Variants in DGAT2L6 observed in about 807,000 individuals in gnomAD.
DGAT2L6 encodes the protein diacylglycerol O-acyltransferase 2 like 6.
A neutral mutation model predicts 25.5 loss-of-function variants in DGAT2L6; 22 were observed. The observed-to-expected ratio is 0.86, with a 90% CI of 0.62 to 1.23. DGAT2L6 has a LOEUF of 1.23. Ranked by LOEUF, DGAT2L6 falls within the 50% of genes most tolerant of loss-of-function variation. DGAT2L6 has a pLI of 0.00. For synonymous variants in DGAT2L6, 100 were observed against 94.7 expected (o/e 1.06, Z -0.32); for missense variants, 287 against 253.2 (o/e 1.13, Z -0.91).
intron 1 of DGAT2L6, among the ~76,000 whole-genome samples, chrX:70,183,428 T>C (rs1293346182): frequency 8.9e-6 from 1 of 112,335 alleles, no homozygotes; most frequent in East Asian, 2.8e-4. Flanking sequence ...TCATATCTTC[T>C]CTGTAACATT....
At chrX:70,192,859 A>G (rs1244405100) in intron 1 of DGAT2L6, among the ~76,000 whole-genome samples, 1 of 111,888 alleles carries the variant, frequency 8.9e-6, no homozygotes, top group East Asian at 2.8e-4. Flanking sequence ...AAAAGAGAAG[A>G]CATTACACCT....
chrX:70,194,971 A>T (rs1312406737), intron 1 of DGAT2L6, among the ~76,000 whole-genome samples: 2 of 112,163 alleles, frequency 1.8e-5, no homozygotes, highest in East Asian at 5.6e-4. Context: ...AATGGAAGAA[A>T]ATATTTGCAA....
intron 1 of DGAT2L6, among the ~76,000 whole-genome samples, chrX:70,189,471 A>G (rs1165448884): frequency 3.6e-5 from 4 of 112,441 alleles, no homozygotes; most frequent in Non-Finnish European, 7.5e-5. Flanking sequence ...GATGAATAAA[A>G]TAAAAGATCT....
chrX:70,201,125 C>G (rs2147610411), intron 4 of DGAT2L6, among the ~76,000 whole-genome samples: 1 of 111,762 alleles, frequency 8.9e-6, no homozygotes, highest in Middle Eastern at 4.7e-3. Context: ...AGCCAAACAT[C>G]CAAAGGTAAG....
chrX:70,187,205 G>T (rs890439602), intron 1 of DGAT2L6, among the ~76,000 whole-genome samples: 1 of 109,543 alleles, frequency 9.1e-6, no homozygotes, highest in Non-Finnish European at 1.9e-5. Flanking sequence ...TTGTTTGTTT[G>T]GAAAGGGAAA....
At chrX:70,204,923 T>A (rs2085423527) in intron 6 of DGAT2L6, 29 bp from the exon 7 acceptor site, 1 of 1,156,421 alleles carries the variant, frequency 8.6e-7, no homozygotes, top group Admixed American at 2.7e-5. Flanking sequence ...GGGGGAACTC[T>A]GATGTTTGTC....
At chrX:70,203,200 C>T (rs2085416924) in intron 5 of DGAT2L6, among the ~76,000 whole-genome samples, 1 of 112,241 alleles carries the variant, frequency 8.9e-6, no homozygotes, top group South Asian at 3.7e-4. Flanking sequence ...TATTTGTTTA[C>T]CAACTATTTT....
chrX:70,182,419 C>G (rs1276382719), intron 1 of DGAT2L6, among the ~76,000 whole-genome samples: 1 of 108,117 alleles, frequency 9.2e-6, no homozygotes, highest in Non-Finnish European at 1.9e-5. Flanking sequence ...CTGATCTCCA[C>G]CCTCTCCAAT....
Position 70,205,163 on chromosome X carries a change from C to A in DGAT2L6, c.*57C>A. 1 of 1,073,080 alleles carries A rather than the reference C, an allele frequency of 9.3e-7. No individual in the cohort carries two copies. The highest frequency in any genetic ancestry group is 3.0e-5 in the South Asian group (1 of 32,995). The allele number at this position is 1,073,080 out of a possible 1,213,427, so 88.4% of individuals were successfully genotyped here. A position where few individuals can be genotyped will look rare whatever the true frequency, so the allele number is the denominator to read the frequency against. ...AAAGCCATGAGGGATCCAAGTAGAG[C>A]CACAGAAAAAGAAGAATTCCAGGAG... On this transcript the variant is annotated 3_prime_UTR_variant, in exon 7 of 7. Transcript: ENST00000333026.
At chrX:70,188,374 T>C (rs1468275599) in intron 1 of DGAT2L6, among the ~76,000 whole-genome samples, 5 of 110,320 alleles carry the variant, frequency 4.5e-5, no homozygotes, top group African/African-American at 9.9e-5. Flanking sequence ...AAAAGAAAAA[T>C]AGACAAATTA....
rs372158254 is a variant in DGAT2L6, at chrX:70,178,141, G to GA, written c.85+489dup. Among the ~76,000 whole-genome samples the GA allele has an allele frequency of 1.4e-3, 134 of 94,087 alleles. 1 individual carries two copies. The highest frequency in any genetic ancestry group is 2.6e-3 in the Admixed American group (22 of 8,585). 81.7% of individuals were successfully genotyped at this position (94,087 alleles called of 115,157 possible). ...ACAGAGCAAGACTCCGTCTCAAGAT[G>GA]AAAAAAAAAAAAAAATCACTCCAGT... On this transcript the variant is annotated intron_variant, in intron 1 of 6. Transcript: ENST00000333026.
In DGAT2L6 at chrX:70,180,320, G is replaced by A. The variant is rs755673934; in HGVS notation, c.85+2653G>A. Among the ~76,000 whole-genome samples the A allele has an allele frequency of 7.2e-5, 8 of 110,458 alleles. No homozygotes were observed. The South Asian group carries it at 1.6e-3, about 22-fold the overall frequency. ...AAAAATTAGCTGTGTGTGGTGGCGCGTGCCTGTAGTCCTAGCTACTCGGGA... is the reference window on the plus strand; with the variant it reads ...AAAAATTAGCTGTGTGTGGTGGCGCATGCCTGTAGTCCTAGCTACTCGGGA... On this transcript the variant is annotated intron_variant, in intron 1 of 6. Coordinates refer to ENST00000333026, the MANE Select transcript of DGAT2L6 (RefSeq NM_198512.3).
At chrX:70,195,419 G>A (rs1291337973) in intron 1 of DGAT2L6, among the ~76,000 whole-genome samples, 1 of 108,592 alleles carries the variant, frequency 9.2e-6, no homozygotes, top group Non-Finnish European at 1.9e-5. Flanking sequence ...CAAGACGTGG[G>A]ATCGACCTAA....
At chrX:70,179,766 C>T (rs763032334) in intron 1 of DGAT2L6, among the ~76,000 whole-genome samples, 14 of 108,880 alleles carry the variant, frequency 1.3e-4, no homozygotes, top group Non-Finnish European at 2.7e-4. Flanking sequence ...CGGGGTATCG[C>T]CATGTTAGCC....
At chrX:70,193,464 C>T (rs2085381414) in intron 1 of DGAT2L6, among the ~76,000 whole-genome samples, 2 of 111,303 alleles carry the variant, frequency 1.8e-5, no homozygotes. Context: ...ATTACAGGCC[C>T]ATATCCCTGA....
At chrX:70,199,447 TG>T (rs1347421665) in intron 2 of DGAT2L6, 66 bp downstream of exon 2, 1 of 653,274 alleles carries the variant, frequency 1.5e-6, no homozygotes, top group East Asian at 4.5e-5. Flanking sequence ...GAGAGGGAGG[TG>T]GAGGGAGAGG....
intron 1 of DGAT2L6, among the ~76,000 whole-genome samples, chrX:70,196,700 A>G (rs2085393204): frequency 9.0e-6 from 1 of 110,973 alleles, no homozygotes; most frequent in Non-Finnish European, 1.9e-5. Context: ...CCCTGTTAAC[A>G]AGAATGAAAA....
intron 5 of DGAT2L6, among the ~76,000 whole-genome samples, chrX:70,203,621 G>A (rs1458301035): frequency 9.0e-6 from 1 of 111,335 alleles, no homozygotes; most frequent in Non-Finnish European, 1.9e-5. Context: ...GTCTACTGGG[G>A]GAGTCAGGCA....
chrX:70,197,255 A>T (rs1211547339), intron 1 of DGAT2L6, among the ~76,000 whole-genome samples: 1 of 111,898 alleles, frequency 8.9e-6, no homozygotes, highest in Non-Finnish European at 1.9e-5. Flanking sequence ...TTTACATGAG[A>T]CTTAGCTCTT....
Sources: gnomAD v4.1 joint callset for allele counts (sites outside exome capture counted in the v4.1 genomes callset) on GRCh38, gnomAD v4.1.1 for gene constraint, MANE v1.5 for transcripts, NCBI Gene and HGNC (gene_info 2026-07-23, HGNC 2026-07-21) for gene names.